The following RFC1 variants were observed in gnomAD, a reference collection of about 807,000 sequenced individuals.
The protein encoded by RFC1 is A1 140 kDa subunit.
A neutral mutation model predicts 137.4 loss-of-function variants in RFC1; 37 were observed. That is an observed-to-expected ratio of 0.27 (90% CI 0.21 to 0.35). RFC1 has a LOEUF of 0.35. Among genes scored for constraint, RFC1 ranks in the 10% least tolerant of loss-of-function variants. The pLI, the probability that RFC1 is intolerant of heterozygous loss-of-function variation, is 1.00. For missense variants in RFC1, 1,205 were observed against 1,358.5 expected, an observed-to-expected ratio of 0.89 and a Z score of 1.78; for synonymous variants, 429 against 455.7, an observed-to-expected ratio of 0.94 and a Z score of 0.75.
At chr4:39,336,220 A>T (rs1463156275) in intron 4 of RFC1, among the ~76,000 whole-genome samples, 1 of 152,246 alleles carries the variant, frequency 6.6e-6, no homozygotes, top group African/African-American at 2.4e-5. Context: ...TTGCAGATAA[A>T]ATTGCTAAAG....
At chr4:39,361,583 T>C (rs180927344) in intron 1 of RFC1, among the ~76,000 whole-genome samples, 183 of 152,220 alleles carry the variant, frequency 1.2e-3, no homozygotes, top group Admixed American at 7.4e-3. Flanking sequence ...GACATCTACA[T>C]TGAACAAGAA....
At chr4:39,290,718 G>A (rs1380451934) in intron 23 of RFC1, among the ~76,000 whole-genome samples, 1 of 151,634 alleles carries the variant, frequency 6.6e-6, no homozygotes, top group Non-Finnish European at 1.5e-5. Flanking sequence ...GGGAGGCTGA[G>A]GCATGAGAAT....
At chr4:39,356,701 C>CA (rs1741497611) in intron 1 of RFC1, among the ~76,000 whole-genome samples, 1 of 152,038 alleles carries the variant, frequency 6.6e-6, no homozygotes, top group Admixed American at 6.6e-5. Context: ...ATTGTGGCTA[C>CA]AAAAAACAAA....
intron 1 of RFC1, among the ~76,000 whole-genome samples, chr4:39,363,807 G>C (rs974260671): frequency 6.6e-6 from 1 of 150,540 alleles, no homozygotes; most frequent in Non-Finnish European, 1.5e-5. Context: ...CACAAGAATC[G>C]CTTAAACCTG....
chr4:39,351,511 A>G (rs776169501), intron 1 of RFC1, 35 bp from the exon 2 acceptor site: 6 of 1,491,106 alleles, frequency 4.0e-6, no homozygotes, highest in Admixed American at 2.8e-5. Context: ...ACGAATAAAC[A>G]TTAACCGCAT....
intron 2 of RFC1, among the ~76,000 whole-genome samples, chr4:39,346,999 T>A (rs1428086623): frequency 1.3e-5 from 2 of 152,216 alleles, no homozygotes; most frequent in Middle Eastern, 6.3e-3. Context: ...CAATGCCTGA[T>A]AAACCAAAAG....
intron 2 of RFC1, among the ~76,000 whole-genome samples, chr4:39,346,755 G>C (rs1215684154): frequency 2.0e-5 from 3 of 152,136 alleles, no homozygotes; most frequent in African/African-American, 7.2e-5. Flanking sequence ...GACAGAGTCA[G>C]AATCAACCAC....
intron 1 of RFC1, among the ~76,000 whole-genome samples, chr4:39,363,957 G>A (rs1442464419): frequency 2.7e-5 from 4 of 149,276 alleles, no homozygotes; most frequent in Non-Finnish European, 4.4e-5. Flanking sequence ...GCTCATGCCT[G>A]TAATCTCAAT....
At chr4:39,323,182 T>G in intron 7 of RFC1, 158 bp downstream of exon 7, 3 of 449,852 alleles carry the variant, frequency 6.7e-6, no homozygotes, top group Non-Finnish European at 1.2e-5. Flanking sequence ...TTAAGAAGAA[T>G]AAGTTTCTCA....
chr4:39,330,412 A>C (rs1181591306), intron 4 of RFC1, among the ~76,000 whole-genome samples: 2 of 152,190 alleles, frequency 1.3e-5, no homozygotes, highest in Non-Finnish European at 2.9e-5. Flanking sequence ...ATGTAGTAGA[A>C]ATCTCTGAGG....
In RFC1 at chr4:39,320,567, G is replaced by C; in HGVS notation, c.911C>G (p.Ala304Gly). Residue 304 changes from alanine (A) to glycine (G), a missense_variant, in exon 9 of 25, where the codon GCT (alanine) becomes GGT (glycine). Coordinates refer to ENST00000349703, the MANE Select transcript of RFC1 (RefSeq NM_002913.5). ...KESQQHSKSS[A>G]DKIGEVSSPK... ...AGAAGAGACTTCTCCTATTTTGTCAGCTGATGACTTGGAATGTTGCTGAGA... is the reference window on the plus strand; with the variant it reads ...AGAAGAGACTTCTCCTATTTTGTCACCTGATGACTTGGAATGTTGCTGAGA... The C allele has an allele frequency of 6.2e-7, 1 of 1,613,626 alleles. No homozygotes were observed. Among genetic ancestry groups the C allele is most frequent in the Non-Finnish European group, 8.5e-7 (1 of 1,179,896 alleles).
At chr4:39,353,315 G>A (rs890845137) in intron 1 of RFC1, among the ~76,000 whole-genome samples, 9 of 138,232 alleles carry the variant, frequency 6.5e-5, no homozygotes, top group East Asian at 2.2e-4. Flanking sequence ...CACGAGAATC[G>A]CTTGAACCTG....
At chr4:39,348,138 A>C (rs1740951240) in intron 2 of RFC1, among the ~76,000 whole-genome samples, 1 of 152,028 alleles carries the variant, frequency 6.6e-6, no homozygotes, top group African/African-American at 2.4e-5. Context: ...ATGAAAAAGC[A>C]AGTTCTAGGC....
intron 1 of RFC1, among the ~76,000 whole-genome samples, chr4:39,362,078 G>A (rs1741788976): frequency 6.6e-6 from 1 of 151,718 alleles, no homozygotes; most frequent in South Asian, 2.1e-4. Context: ...TCACCAAAAA[G>A]AATAAAATAC....
intron 1 of RFC1, among the ~76,000 whole-genome samples, chr4:39,357,103 C>T (rs1741515256): frequency 6.6e-6 from 1 of 152,134 alleles, no homozygotes; most frequent in Non-Finnish European, 1.5e-5. Context: ...ACTTTCTGTT[C>T]CTAATCTTTC....
chr4:39,340,759 T>C (rs546666243), intron 4 of RFC1, among the ~76,000 whole-genome samples: 1 of 152,182 alleles, frequency 6.6e-6, no homozygotes, highest in East Asian at 1.9e-4. Context: ...CAATAAAGTA[T>C]GAAAAGATAA....
At position 39,308,616 on chromosome 4, in the gene RFC1, G is replaced by T; in HGVS notation, c.1885+20C>A. ...TGTTGATATACACACACACAAAAAT[G>T]AGTGAGGTTGTAAAATCACCGTGTT... On this transcript the variant is annotated intron_variant, in intron 13 of 24. Transcript: ENST00000349703. 6.3e-7 allele frequency: 1 copy of T among 1,598,256 alleles called. No individual in the cohort carries two copies.
chr4:39,342,054 T>C (rs1740626929), intron 4 of RFC1, among the ~76,000 whole-genome samples: 1 of 152,212 alleles, frequency 6.6e-6, no homozygotes, highest in African/African-American at 2.4e-5. Context: ...ATTAAAAAAG[T>C]AGTTCTAAAA....
chr4:39,342,906 C>G (rs568526597), intron 3 of RFC1, among the ~76,000 whole-genome samples: 1 of 152,336 alleles, frequency 6.6e-6, no homozygotes, highest in African/African-American at 2.4e-5. Context: ...AAAGCCCTCA[C>G]GTTGCCATCT....
Sources: allele counts gnomAD v4.1 joint callset (sites outside exome capture counted in the v4.1 genomes callset), GRCh38; gene constraint gnomAD v4.1.1; transcripts MANE v1.5; gene names NCBI Gene and HGNC (gene_info 2026-07-23, HGNC 2026-07-21).